EFCAB5: variants seen among roughly 807,000 people sequenced by gnomAD.
The protein encoded by EFCAB5 is EF-hand calcium binding domain 5, also known as EF-hand calcium-binding domain-containing protein 5.
A neutral mutation model predicts 167.9 loss-of-function variants in EFCAB5; 131 were observed. The ratio of observed to expected loss-of-function variants is 0.78; its 90% CI spans 0.68 to 0.90. The LOEUF (loss-of-function observed/expected upper bound fraction) is 0.90, where lower values mean the gene tolerates loss of function less well. EFCAB5 is among the 40% of genes least tolerant of loss of function. EFCAB5 has a pLI of 0.00. For synonymous variants in EFCAB5, 574 were observed against 602.8 expected, an observed-to-expected ratio of 0.95 and a Z score of 0.70; for missense variants, 1,663 against 1,745.2, an observed-to-expected ratio of 0.95 and a Z score of 0.84.
chr17:29,989,601 G>C, intron 4 of EFCAB5, among the ~76,000 whole-genome samples: 1 of 152,324 alleles, frequency 6.6e-6, no homozygotes, highest in Middle Eastern at 3.4e-3. Flanking sequence ...AGTCCTGGCT[G>C]CCATGTCCCC....
At chr17:29,933,630 T>G (rs528397799) in intron 1 of EFCAB5, among the ~76,000 whole-genome samples, 11 of 152,338 alleles carry the variant, frequency 7.2e-5, no homozygotes, top group African/African-American at 2.6e-4. Flanking sequence ...GAGGCCTGGT[T>G]GTACCACTGG....
intron 3 of EFCAB5, among the ~76,000 whole-genome samples, chr17:29,943,903 G>A (rs1567669203): frequency 6.6e-6 from 1 of 152,068 alleles, no homozygotes; most frequent in Non-Finnish European, 1.5e-5. Context: ...TGAACAGGGA[G>A]GTGGGGGTTG....
chr17:30,031,925 G>T (rs1394007054), intron 7 of EFCAB5: 1 of 151,984 alleles, frequency 6.6e-6, no homozygotes, highest in Non-Finnish European at 1.5e-5. Context: ...AGCAACTCAG[G>T]AGGCTGAGGT....
In EFCAB5 at chr17:30,107,822, T is replaced by C. The variant is rs774814995; in HGVS notation, c.4322-12T>C. On this transcript the variant is annotated splice_polypyrimidine_tract_variant and intron_variant, in intron 22 of 22. Coordinates refer to ENST00000394835, the MANE Select transcript of EFCAB5 (RefSeq NM_198529.4). The stretch of plus-strand genomic sequence containing the variant: ...TCTCCACTCTTACTTTTCTTTTTTT[T>C]TCCTGATGCAGATCATTCCCGAACT... 10 of 1,516,486 alleles carry C rather than the reference T, an allele frequency of 6.6e-6. No individual in the cohort carries two copies. The South Asian group carries it at 1.3e-4, about 20-fold the overall frequency. The allele number at this position is 1,516,486 out of a possible 1,614,324, so 93.9% of individuals were successfully genotyped here. A position where few individuals can be genotyped will look rare whatever the true frequency, so the allele number is the denominator to read the frequency against.
intron 9 of EFCAB5, among the ~76,000 whole-genome samples, chr17:30,051,967 A>T (rs984094862): frequency 2.5e-4 from 37 of 150,878 alleles, no homozygotes; most frequent in Non-Finnish European, 3.0e-4. Context: ...GTTTATTTTT[A>T]TTTTTTTTTA....
chr17:30,007,712 A>G (rs1254569174), intron 7 of EFCAB5, among the ~76,000 whole-genome samples: 3 of 152,190 alleles, frequency 2.0e-5, no homozygotes, highest in Admixed American at 2.0e-4. Context: ...TTTAGCCCAG[A>G]GTGGTGACCC....
At chr17:30,095,858 A>C (rs1376354568) in intron 22 of EFCAB5, among the ~76,000 whole-genome samples, 1 of 152,168 alleles carries the variant, frequency 6.6e-6, no homozygotes, top group Non-Finnish European at 1.5e-5. Context: ...GTCTTTTTGG[A>C]CTTAGTCATC....
At chr17:30,037,104 G>A (rs2069648301) in intron 8 of EFCAB5, among the ~76,000 whole-genome samples, 1 of 152,178 alleles carries the variant, frequency 6.6e-6, no homozygotes, top group Non-Finnish European at 1.5e-5. Context: ...GTGTAGCTCA[G>A]AGACTACAAG....
At chr17:29,933,170 T>C (rs2067216269) in intron 1 of EFCAB5, among the ~76,000 whole-genome samples, 1 of 152,142 alleles carries the variant, frequency 6.6e-6, no homozygotes, top group Non-Finnish European at 1.5e-5. Flanking sequence ...AGTGGTACCA[T>C]GGCTTCTGTC....
At chr17:30,103,005 A>AT (rs111793611) in intron 22 of EFCAB5, among the ~76,000 whole-genome samples, 2,798 of 151,506 alleles carry the variant, frequency 0.018, 87 homozygotes, top group African/African-American at 0.063. Context: ...TGCCCAGCTA[A>AT]TTTTTGTATT....
intron 4 of EFCAB5, among the ~76,000 whole-genome samples, chr17:29,989,564 T>C (rs2068367364): frequency 6.6e-6 from 1 of 152,180 alleles, no homozygotes; most frequent in Admixed American, 6.5e-5. Flanking sequence ...TAAAGGCCAA[T>C]TTTTTGGAAT....
intron 22 of EFCAB5, among the ~76,000 whole-genome samples, chr17:30,102,621 T>A (rs992002946): frequency 1.3e-5 from 2 of 152,160 alleles, no homozygotes; most frequent in African/African-American, 2.4e-5. Context: ...CAAAATTGAA[T>A]GCATGTTAAT....
At position 30,081,903 on chromosome 17, in the gene EFCAB5, T is replaced by C. The variant is rs146155387; in HGVS notation, c.3426+922T>C. On this transcript the variant is annotated intron_variant, in intron 17 of 22. Transcript: ENST00000394835. ...TTGCTAGAGAGCTTTTCAAAATGAA[T>C]TATACATTGGCACTCTAGCCCTTAG... is the stretch of plus-strand genomic sequence containing the variant. Among the ~76,000 whole-genome samples the C allele has an allele frequency of 9.7e-4, 147 of 152,314 alleles. 2 individuals carry two copies. In the Middle Eastern group the frequency reaches 0.01, roughly 11 times the overall value.
intron 3 of EFCAB5, among the ~76,000 whole-genome samples, chr17:29,950,003 G>T (rs1460550794): frequency 6.6e-6 from 1 of 152,124 alleles, no homozygotes; most frequent in East Asian, 1.9e-4. Flanking sequence ...GCAGGAGGAG[G>T]AATTGTCTGC....
chr17:29,937,015 G>A (rs1216128918), upstream of EFCAB5, among the ~76,000 whole-genome samples: 1 of 152,102 alleles, frequency 6.6e-6, no homozygotes, highest in African/African-American at 2.4e-5. Context: ...AGGTGTCAAG[G>A]ACTGTGTTGA....
At chr17:29,963,224 G>A (rs577137098) in intron 3 of EFCAB5, among the ~76,000 whole-genome samples, 1 of 152,280 alleles carries the variant, frequency 6.6e-6, no homozygotes, top group East Asian at 1.9e-4. Context: ...TTAGAGGCAT[G>A]AGCCACCACA....
intron 22 of EFCAB5, among the ~76,000 whole-genome samples, chr17:30,100,833 A>G (rs139955352): frequency 1.3e-5 from 2 of 152,314 alleles, no homozygotes; most frequent in Admixed American, 6.5e-5. Context: ...ATGAATGTAC[A>G]AGGAATATTC....
Position 30,053,814 on chromosome 17 carries a change from A to C in EFCAB5, c.1860A>C (p.Lys620Asn). 6.2e-7 allele frequency: 1 copy of C among 1,614,002 alleles called. No homozygotes were observed. The highest frequency in any genetic ancestry group is 8.5e-7 in the Non-Finnish European group (1 of 1,179,874). ...RESIAEQDRH[K>N]GSVAEQGSRR... ...CTATTGCAGAACAAGATCGACACAAAGGGTCAGTAGCAGAACAAGGATCAC... is the reference window on the plus strand; with the variant it reads ...CTATTGCAGAACAAGATCGACACAACGGGTCAGTAGCAGAACAAGGATCAC... The change falls in exon 10 of 23, where the codon AAA becomes AAC. Residue 620 changes from lysine to asparagine, a missense_variant. By Grantham distance (94) the Lys-to-Asn change is moderately conservative. Transcript: ENST00000394835.
chr17:29,980,929 G>A (rs1428301799), intron 4 of EFCAB5, among the ~76,000 whole-genome samples: 1 of 152,116 alleles, frequency 6.6e-6, no homozygotes, highest in Non-Finnish European at 1.5e-5. Flanking sequence ...ATCTCTCACT[G>A]TTCATTTCTA....
Sources: gnomAD v4.1 joint callset for allele counts (sites outside exome capture counted in the v4.1 genomes callset) on GRCh38, gnomAD v4.1.1 for gene constraint, MANE v1.5 for transcripts, NCBI Gene and HGNC (gene_info 2026-07-23, HGNC 2026-07-21) for gene names.